GPC6: variants seen among roughly 807,000 people sequenced by gnomAD.
GPC6 encodes glypican-6.
A neutral mutation model predicts 55.2 loss-of-function variants in GPC6; 14 were observed. The ratio of observed to expected loss-of-function variants is 0.25; its 90% CI spans 0.17 to 0.40. The LOEUF is 0.40. Among genes scored for constraint, GPC6 ranks in the 10% least tolerant of loss-of-function variants. The probability of loss-of-function intolerance (pLI) is 1.00; values close to 1 mark genes in which losing one functional copy is unlikely to be tolerated. For missense variants in GPC6, 641 were observed against 708.5 expected, an observed-to-expected ratio of 0.90 and a Z score of 1.08; for synonymous variants, 278 against 259.6, an observed-to-expected ratio of 1.07 and a Z score of -0.68.
intron 1 of GPC6, among the ~76,000 whole-genome samples, chr13:93,488,366 T>C (rs1879814366): frequency 1.3e-5 from 2 of 152,218 alleles, no homozygotes; most frequent in South Asian, 4.1e-4. Context: ...ATCTAGTCTA[T>C]CATTGATGGA....
chr13:93,961,071 C>T (rs1879754105), intron 3 of GPC6, among the ~76,000 whole-genome samples: 1 of 152,072 alleles, frequency 6.6e-6, no homozygotes, highest in Non-Finnish European at 1.5e-5. Context: ...GCCTTGGCCT[C>T]CCAAAGTGCT....
intron 3 of GPC6, among the ~76,000 whole-genome samples, chr13:93,982,717 G>A (rs1261312950): frequency 6.6e-6 from 1 of 152,122 alleles, no homozygotes; most frequent in Admixed American, 6.6e-5. Context: ...CAGCTGGTGG[G>A]TCATAAAATG....
intron 3 of GPC6, among the ~76,000 whole-genome samples, chr13:94,021,521 T>C (rs569342250): frequency 1.7e-4 from 26 of 152,160 alleles, no homozygotes; most frequent in Non-Finnish European, 2.9e-4. Context: ...TTGACATACA[T>C]GGCTAGCCAG....
chr13:94,109,547 A>G (rs1439391491), intron 4 of GPC6, among the ~76,000 whole-genome samples: 2 of 152,168 alleles, frequency 1.3e-5, no homozygotes, highest in African/African-American at 4.8e-5. Context: ...CTAGATATTA[A>G]TGAGAAGAAA....
Position 93,741,489 on chromosome 13 carries a change from G to A in GPC6, c.320-88665G>A, listed in dbSNP as rs143938556. Among the ~76,000 whole-genome samples, 48 of 152,150 alleles carry A rather than the reference G, an allele frequency of 3.2e-4. No individual in the cohort carries two copies. The East Asian group carries it at 8.9e-3, about 28-fold the overall frequency. On this transcript the variant is annotated intron_variant, in intron 2 of 8. Coordinates refer to ENST00000377047, the MANE Select transcript of GPC6 (RefSeq NM_005708.5). ...GTTATTTAATCCTTGTTAGAATGTG[G>A]TCTCCTGTTTCTCATGCTCATGCTC...
At chr13:93,894,875 T>C (rs2140321268) in intron 3 of GPC6, among the ~76,000 whole-genome samples, 1 of 152,082 alleles carries the variant, frequency 6.6e-6, no homozygotes, top group Admixed American at 6.6e-5. Context: ...GTTATCTTGG[T>C]TTTCCATTTG....
At chr13:93,544,185 T>G (rs1882450400) in intron 1 of GPC6, among the ~76,000 whole-genome samples, 1 of 152,068 alleles carries the variant, frequency 6.6e-6, no homozygotes. Flanking sequence ...AGACCTAACG[T>G]TAATATGTAC....
chr13:94,024,766 G>A (rs564684152), intron 3 of GPC6, among the ~76,000 whole-genome samples: 4 of 152,228 alleles, frequency 2.6e-5, no homozygotes, highest in Admixed American at 2.0e-4. Context: ...AAAAACAAAT[G>A]AAAAGCTTTG....
intron 2 of GPC6, among the ~76,000 whole-genome samples, chr13:93,714,935 A>G (rs920098952): frequency 4.6e-5 from 7 of 151,652 alleles, no homozygotes; most frequent in African/African-American, 1.7e-4. Context: ...GCCATGGTAA[A>G]CAAAAACTGT....
intron 6 of GPC6, among the ~76,000 whole-genome samples, chr13:94,380,768 T>A (rs1397403814): frequency 1.3e-5 from 2 of 152,220 alleles, no homozygotes; most frequent in East Asian, 3.8e-4. Context: ...TTTTGCCCAC[T>A]ATCACAATAA....
At chr13:93,571,543 T>C (rs16948982) in intron 2 of GPC6, among the ~76,000 whole-genome samples, 5,704 of 152,272 alleles carry the variant, frequency 0.037, 360 homozygotes, top group African/African-American at 0.13. Flanking sequence ...CAAGATGTGA[T>C]ATTGTAGTTG....
intron 4 of GPC6, among the ~76,000 whole-genome samples, chr13:94,086,419 A>G (rs938564934): frequency 3.3e-5 from 5 of 152,118 alleles, no homozygotes; most frequent in Non-Finnish European, 7.4e-5. Flanking sequence ...CACCCCAGCC[A>G]TAGCACCCCA....
chr13:93,535,801 A>G (rs1882040400), intron 1 of GPC6, among the ~76,000 whole-genome samples: 1 of 151,916 alleles, frequency 6.6e-6, no homozygotes, highest in Admixed American at 6.6e-5. Flanking sequence ...GAAGAGCTAC[A>G]CTTCAATGTT....
In GPC6 at chr13:94,306,024, A is replaced by G; in HGVS notation, c.1053A>G (p.Arg351=). The part of the protein sequence containing the change: ...CGQPKPAPAL[R]SARSAPENFN... ...AGCCCAAACCTGCTCCAGCCCTCAG[A>G]TCTGCCCGCTCAGCTCCTGAAAATT... Residue 351 remains arginine, a synonymous_variant, in exon 6 of 9, where the codon AGA becomes AGG. Transcript: ENST00000377047. The G allele has an allele frequency of 6.2e-7, 1 of 1,614,156 alleles. No individual in the cohort carries two copies. The highest frequency in any genetic ancestry group is 8.5e-7 in the Non-Finnish European group (1 of 1,180,024).
intron 2 of GPC6, among the ~76,000 whole-genome samples, chr13:93,743,229 A>G (rs1265652604): frequency 6.6e-6 from 1 of 152,198 alleles, no homozygotes; most frequent in Non-Finnish European, 1.5e-5. Context: ...TCAAGTAGAC[A>G]GGTGTAGGTA....
chr13:93,973,471 A>C (rs2140396737), intron 3 of GPC6, among the ~76,000 whole-genome samples: 1 of 152,264 alleles, frequency 6.6e-6, no homozygotes, highest in Admixed American at 6.5e-5. Flanking sequence ...AGTCTTAATA[A>C]TCAGATGCCC....
chr13:94,093,283 A>T (rs1395353857), intron 4 of GPC6, among the ~76,000 whole-genome samples: 1 of 151,962 alleles, frequency 6.6e-6, no homozygotes, highest in African/African-American at 2.4e-5. Context: ...TTTTGAATTA[A>T]TTTTTTATAT....
chr13:94,391,803 C>T (rs1880657669), intron 7 of GPC6, among the ~76,000 whole-genome samples: 1 of 152,194 alleles, frequency 6.6e-6, no homozygotes, highest in African/African-American at 2.4e-5. Context: ...ATTCCCTCCC[C>T]TCTACCCCCA....
At chr13:93,654,369 C>T in intron 2 of GPC6, among the ~76,000 whole-genome samples, 1 of 152,038 alleles carries the variant, frequency 6.6e-6, no homozygotes, top group Non-Finnish European at 1.5e-5. Flanking sequence ...ACTCTGTTGC[C>T]CAGGCTGGAG....
Sources: gnomAD v4.1 joint callset for allele counts (sites outside exome capture counted in the v4.1 genomes callset) on GRCh38, gnomAD v4.1.1 for gene constraint, MANE v1.5 for transcripts, NCBI Gene and HGNC (gene_info 2026-07-23, HGNC 2026-07-21) for gene names.